Variants in GULP1 observed in about 807,000 individuals in gnomAD.
GULP1 encodes the protein GULP PTB domain containing engulfment adaptor 1.
GULP1 carries 19 observed loss-of-function variants against 40.9 expected under a neutral mutation model. The ratio of observed to expected loss-of-function variants is 0.46; its 90% CI spans 0.32 to 0.68. The LOEUF (loss-of-function observed/expected upper bound fraction) is 0.68, where lower values mean the gene tolerates loss of function less well. GULP1 is among the 30% of genes least tolerant of loss of function. The pLI, the probability that GULP1 is intolerant of heterozygous loss-of-function variation, is 0.03. For missense variants in GULP1, 312 were observed against 362.2 expected (o/e 0.86, Z 1.12); for synonymous variants, 119 against 117.6 (o/e 1.01, Z -0.08).
chr2:188,513,929 T>G (rs1430668770), intron 4 of GULP1, among the ~76,000 whole-genome samples: 1 of 151,962 alleles, frequency 6.6e-6, no homozygotes, highest in Non-Finnish European at 1.5e-5. Flanking sequence ...CTGTGTGGGG[T>G]TTTCAGGTTC....
At chr2:188,369,180 C>T (rs533154279) in intron 1 of GULP1, among the ~76,000 whole-genome samples, 1 of 151,358 alleles carries the variant, frequency 6.6e-6, no homozygotes, top group Non-Finnish European at 1.5e-5. Flanking sequence ...ATGCTAGTCT[C>T]AAACCCCTGA....
At chr2:188,349,897 TA>T (rs756757355) in intron 1 of GULP1, among the ~76,000 whole-genome samples, 5 of 152,156 alleles carry the variant, frequency 3.3e-5, no homozygotes, top group Non-Finnish European at 7.4e-5. Context: ...TAATATGACA[TA>T]GGGGGTCCAA....
intron 2 of GULP1, among the ~76,000 whole-genome samples, chr2:188,416,502 A>T (rs1018351208): frequency 1.3e-5 from 2 of 152,180 alleles, no homozygotes; most frequent in Non-Finnish European, 2.9e-5. Context: ...CTCATCTCAG[A>T]TTGATTACAG....
chr2:188,524,173 A>G (rs1281983371), intron 5 of GULP1, among the ~76,000 whole-genome samples: 1 of 152,202 alleles, frequency 6.6e-6, no homozygotes, highest in Non-Finnish European at 1.5e-5. Context: ...GTATTTCTTT[A>G]TGCCTAGGAG....
intron 4 of GULP1, among the ~76,000 whole-genome samples, chr2:188,517,820 C>T (rs1160061081): frequency 6.6e-6 from 1 of 152,074 alleles, no homozygotes; most frequent in Non-Finnish European, 1.5e-5. Flanking sequence ...GGGGAACTTT[C>T]AATCCTGCAT....
At chr2:188,542,513 T>G (rs957310021) in intron 7 of GULP1, among the ~76,000 whole-genome samples, 26 of 152,004 alleles carry the variant, frequency 1.7e-4, no homozygotes, top group African/African-American at 5.1e-4. Context: ...ATAGAGCAAG[T>G]TTTTATTTTT....
intron 4 of GULP1, among the ~76,000 whole-genome samples, chr2:188,494,155 G>T (rs1034822645): frequency 6.6e-5 from 10 of 151,924 alleles, no homozygotes; most frequent in Admixed American, 6.6e-4. Flanking sequence ...CCAGTTACTG[G>T]AAGAAAGGAG....
chr2:188,406,255 C>G (rs1047576078), intron 2 of GULP1, among the ~76,000 whole-genome samples: 3 of 152,090 alleles, frequency 2.0e-5, no homozygotes, highest in Non-Finnish European at 4.4e-5. Context: ...TGACTATATG[C>G]AGAATACTAT....
intron 2 of GULP1, among the ~76,000 whole-genome samples, chr2:188,399,705 A>AAC (rs1553540268): frequency 6.7e-6 from 1 of 149,962 alleles, no homozygotes; most frequent in African/African-American, 2.5e-5. Context: ...AAAAAAAAAA[A>AAC]AAAAAAAAAC....
At chr2:188,445,062 G>A (rs1436130904) in intron 2 of GULP1, among the ~76,000 whole-genome samples, 1 of 152,092 alleles carries the variant, frequency 6.6e-6, no homozygotes, top group African/African-American at 2.4e-5. Context: ...GGAACGAAAA[G>A]GTTCCTAGTT....
At chr2:188,348,617 C>T (rs776353569) in intron 1 of GULP1, among the ~76,000 whole-genome samples, 22 of 144,238 alleles carry the variant, frequency 1.5e-4, no homozygotes, top group Non-Finnish European at 2.7e-4. Flanking sequence ...CAGAATATCA[C>T]GATACTGAAA....
At chr2:188,463,906 C>T (rs2059913727) in intron 2 of GULP1, among the ~76,000 whole-genome samples, 1 of 151,716 alleles carries the variant, frequency 6.6e-6, no homozygotes, top group Admixed American at 6.6e-5. Context: ...TTTTGAATTC[C>T]TTCTCTGTGT....
intron 2 of GULP1, among the ~76,000 whole-genome samples, chr2:188,405,953 C>G (rs1426993985): frequency 6.6e-6 from 1 of 152,100 alleles, no homozygotes; most frequent in Non-Finnish European, 1.5e-5. Flanking sequence ...TTAACTGACA[C>G]TAAAGAAATG....
chr2:188,312,010 G>A (rs1045529708), intron 1 of GULP1, among the ~76,000 whole-genome samples: 11 of 151,556 alleles, frequency 7.3e-5, no homozygotes, highest in Non-Finnish European at 1.0e-4. Flanking sequence ...GAGAAATACA[G>A]CATTAATATA....
intron 7 of GULP1, among the ~76,000 whole-genome samples, chr2:188,566,322 C>T (rs2153424207): frequency 6.6e-6 from 1 of 152,000 alleles, no homozygotes; most frequent in Admixed American, 6.6e-5. Context: ...TGATGAGAAT[C>T]AAGTAAGATA....
At chr2:188,351,459 C>T (rs1430949786) in intron 1 of GULP1, among the ~76,000 whole-genome samples, 2 of 152,130 alleles carry the variant, frequency 1.3e-5, no homozygotes, top group East Asian at 3.9e-4. Flanking sequence ...GGCTTTAATA[C>T]GTCCCCCCAA....
At chr2:188,453,325 G>A (rs1336603029) in intron 2 of GULP1, among the ~76,000 whole-genome samples, 1 of 151,874 alleles carries the variant, frequency 6.6e-6, no homozygotes, top group East Asian at 1.9e-4. Context: ...AAAATGTAAT[G>A]TTATTAGTGT....
chr2:188,525,172 T>C (rs1000179601), intron 5 of GULP1, among the ~76,000 whole-genome samples: 3 of 152,070 alleles, frequency 2.0e-5, no homozygotes, highest in Admixed American at 1.3e-4. Flanking sequence ...AAGGTTCAGA[T>C]ACTATATTTA....
chr2:188,348,173 T>A (rs1441983771), intron 1 of GULP1, among the ~76,000 whole-genome samples: 1 of 152,220 alleles, frequency 6.6e-6, no homozygotes, highest in Non-Finnish European at 1.5e-5. Flanking sequence ...TTAATTGATA[T>A]AATAGGAGAT....
Sources: allele counts gnomAD v4.1 joint callset (sites outside exome capture counted in the v4.1 genomes callset), GRCh38; gene constraint gnomAD v4.1.1; transcripts MANE v1.5; gene names NCBI Gene and HGNC (gene_info 2026-07-23, HGNC 2026-07-21).